The following ANKRD44 variants were observed in gnomAD, a reference collection of about 807,000 sequenced individuals.
ANKRD44 encodes ankyrin repeat domain 44.
A neutral mutation model predicts 116.0 loss-of-function variants in ANKRD44; 35 were observed. The ratio of observed to expected loss-of-function variants is 0.30; its 90% CI spans 0.23 to 0.40. The LOEUF (loss-of-function observed/expected upper bound fraction) is 0.40. ANKRD44 is among the 10% of genes least tolerant of loss of function. The probability of loss-of-function intolerance (pLI) is 1.00; values close to 1 mark genes in which losing one functional copy is unlikely to be tolerated. For synonymous variants in ANKRD44, 435 were observed against 461.8 expected, an observed-to-expected ratio of 0.94 and a Z score of 0.74; for missense variants, 1,014 against 1,242.6, an observed-to-expected ratio of 0.82 and a Z score of 2.77.
At chr2:196,998,444 T>C in intron 24 of ANKRD44, 25 bp from the exon 25 acceptor site, 1 of 1,570,038 alleles carries the variant, frequency 6.4e-7, no homozygotes, top group South Asian at 1.1e-5. Context: ...CAAAAGAGGG[T>C]TACTTAGATG....
At chr2:197,241,142 A>C (rs981006505) in intron 1 of ANKRD44, among the ~76,000 whole-genome samples, 1 of 152,126 alleles carries the variant, frequency 6.6e-6, no homozygotes, top group Non-Finnish European at 1.5e-5. Context: ...TGAAAAATTA[A>C]AGGGGAATGT....
rs182891067 is a variant in ANKRD44, at chr2:197,069,114, A to G, written c.1650+9589T>C. ...ACACATACACCATGGAATACTATGC[A>G]GCCATAAAAAAGGATGAGTTCATGT... On this transcript the variant is annotated intron_variant, in intron 16 of 27. Coordinates refer to ENST00000282272, the MANE Select transcript of ANKRD44 (RefSeq NM_001195144.2). Among the ~76,000 whole-genome samples the G allele has an allele frequency of 2.5e-3, 379 of 152,330 alleles. 1 individual carries two copies. The highest frequency in any genetic ancestry group is 0.016 in the East Asian group (85 of 5,186).
intron 16 of ANKRD44, among the ~76,000 whole-genome samples, chr2:197,028,239 T>C (rs1399068034): frequency 3.3e-5 from 5 of 151,658 alleles, no homozygotes; most frequent in African/African-American, 7.3e-5. Flanking sequence ...TTTTTTAAAA[T>C]AGAGACAGGG....
intron 16 of ANKRD44, among the ~76,000 whole-genome samples, chr2:197,044,882 A>G (rs952305354): frequency 3.3e-5 from 5 of 152,200 alleles, no homozygotes; most frequent in African/African-American, 1.2e-4. Context: ...AAAAATTAGT[A>G]GAGCTTAATT....
At chr2:197,236,637 T>C (rs1057344709) in intron 1 of ANKRD44, among the ~76,000 whole-genome samples, 3 of 150,030 alleles carry the variant, frequency 2.0e-5, no homozygotes, top group Admixed American at 6.6e-5. Flanking sequence ...TAGTTTCCAT[T>C]TTCTTTCTCC....
chr2:197,173,841 T>C (rs1230271475), intron 2 of ANKRD44, among the ~76,000 whole-genome samples: 1 of 152,174 alleles, frequency 6.6e-6, no homozygotes, highest in Admixed American at 6.5e-5. Context: ...AAGACCAGCC[T>C]GGCCAACATG....
Position 197,040,376 on chromosome 2 carries a change from C to CTT in ANKRD44, c.1651-15111_1651-15110dup, listed in dbSNP as rs56405646. Reference sequence around the variant, plus strand: ...AGATTTGTTTCCAGTGGAGGTAAGCCTTTTTTTTTTTTTTTTTTGAGACAG... The same window carrying CTT: ...AGATTTGTTTCCAGTGGAGGTAAGCCTTTTTTTTTTTTTTTTTTTTGAGACAG... On this transcript the variant is annotated intron_variant, in intron 16 of 27. Transcript: ENST00000282272. Among the ~76,000 whole-genome samples the CTT allele has an allele frequency of 4.8e-3, 590 of 122,638 alleles. 18 individuals carry two copies. Among genetic ancestry groups the CTT allele is most frequent in the South Asian group, 8.1e-3 (32 of 3,954 alleles). The allele number at this position is 122,638 out of a possible 152,430, so 80.5% of individuals were successfully genotyped here.
chr2:197,041,001 T>A, intron 16 of ANKRD44, among the ~76,000 whole-genome samples: 1 of 152,196 alleles, frequency 6.6e-6, no homozygotes, highest in East Asian at 1.9e-4. Flanking sequence ...ACACCACTCA[T>A]CAGCTTTAAT....
At chr2:197,117,520 G>A (rs979977026) in intron 8 of ANKRD44, among the ~76,000 whole-genome samples, 3 of 152,106 alleles carry the variant, frequency 2.0e-5, no homozygotes, top group African/African-American at 4.8e-5. Flanking sequence ...TTACAGGCGT[G>A]AGCCACCGCG....
intron 1 of ANKRD44, among the ~76,000 whole-genome samples, chr2:197,295,122 C>G (rs929447253): frequency 3.3e-5 from 5 of 152,212 alleles, no homozygotes; most frequent in African/African-American, 1.2e-4. Flanking sequence ...AACTAAGCTT[C>G]TACTTTCTCC....
chr2:197,292,255 C>T (rs1305133161), intron 1 of ANKRD44, among the ~76,000 whole-genome samples: 1 of 152,210 alleles, frequency 6.6e-6, no homozygotes, highest in Non-Finnish European at 1.5e-5. Flanking sequence ...GCCACACTGT[C>T]TTCCACAATG....
At chr2:197,135,120 C>T (rs2079187104) in intron 4 of ANKRD44, 1 of 152,164 alleles carries the variant, frequency 6.6e-6, no homozygotes, top group Non-Finnish European at 1.5e-5. Context: ...GCAAGAAAAA[C>T]CATGACTACT....
chr2:197,190,394 T>C (rs1037053620), intron 1 of ANKRD44, among the ~76,000 whole-genome samples: 1 of 152,208 alleles, frequency 6.6e-6, no homozygotes, highest in African/African-American at 2.4e-5. Flanking sequence ...GATTTCAAAC[T>C]AGAACTTCAC....
At chr2:197,181,550 A>G (rs554493338) in intron 2 of ANKRD44, among the ~76,000 whole-genome samples, 3 of 152,292 alleles carry the variant, frequency 2.0e-5, no homozygotes, top group East Asian at 3.9e-4. Flanking sequence ...GTGCACTTCA[A>G]TTTCATAGTA....
chr2:197,191,783 A>G (rs1202967664), intron 1 of ANKRD44, among the ~76,000 whole-genome samples: 1 of 152,184 alleles, frequency 6.6e-6, no homozygotes, highest in Non-Finnish European at 1.5e-5. Flanking sequence ...ATAAGTAAAC[A>G]TGCACACCAT....
At chr2:197,002,682 G>A (rs1173729198) in intron 21 of ANKRD44, among the ~76,000 whole-genome samples, 1 of 152,202 alleles carries the variant, frequency 6.6e-6, no homozygotes. Context: ...CCAGGAAGAA[G>A]GGTGATGGTT....
Position 197,008,932 on chromosome 2 carries a change from G to A in ANKRD44, c.2012+12C>T. On this transcript the variant is annotated intron_variant, in intron 19 of 27. Coordinates refer to ENST00000282272, the MANE Select transcript of ANKRD44 (RefSeq NM_001195144.2). ...GAAATGTCAACCCAAGGCCACGTGT[G>A]AGCGCACTTACTGTCCTTTGGCATC... 6.2e-7 allele frequency: 1 copy of A among 1,613,522 alleles called. No homozygotes were observed.
chr2:197,207,682 C>A (rs984749464), intron 1 of ANKRD44, among the ~76,000 whole-genome samples: 12 of 152,110 alleles, frequency 7.9e-5, no homozygotes, highest in African/African-American at 2.9e-4. Flanking sequence ...GACCTTTCCC[C>A]AGTCCACCAG....
At position 197,170,594 on chromosome 2, in the gene ANKRD44, C is replaced by A. The variant is rs552941518; in HGVS notation, c.111+16429G>T. On this transcript the variant is annotated intron_variant, in intron 2 of 27. Coordinates refer to ENST00000282272, the MANE Select transcript of ANKRD44 (RefSeq NM_001195144.2). ...TTTGTGCATCTTTATCTTTCTTAGA[C>A]TTGAAAATAAATGCTTAATGCTAAA... Among the ~76,000 whole-genome samples, 4 of 152,288 alleles carry A rather than the reference C, an allele frequency of 2.6e-5. No homozygotes were observed. The South Asian group carries it at 8.3e-4, about 32-fold the overall frequency.
Sources: gnomAD v4.1 joint callset for allele counts (sites outside exome capture counted in the v4.1 genomes callset) on GRCh38, gnomAD v4.1.1 for gene constraint, MANE v1.5 for transcripts, NCBI Gene and HGNC (gene_info 2026-07-23, HGNC 2026-07-21) for gene names.